The following CACNA2D1 variants were observed in gnomAD, a reference collection of about 807,000 sequenced individuals.
CACNA2D1 encodes the protein calcium voltage-gated channel auxiliary subunit alpha2delta 1.
CACNA2D1 carries 53 observed loss-of-function variants against 171.5 expected under a neutral mutation model. That is an observed-to-expected ratio of 0.31 (90% CI 0.25 to 0.39). The LOEUF is 0.39. Ranked by LOEUF, CACNA2D1 falls within the 10% of genes least tolerant of loss-of-function variation. The pLI, the probability that CACNA2D1 is intolerant of heterozygous loss-of-function variation, is 1.00. For missense variants in CACNA2D1, 903 were observed against 1,299.8 expected, an observed-to-expected ratio of 0.69 and a Z score of 4.69; for synonymous variants, 442 against 443.1, an observed-to-expected ratio of 1.00 and a Z score of 0.03.
At chr7:82,381,582 T>C (rs1383003896) in intron 1 of CACNA2D1, among the ~76,000 whole-genome samples, 1 of 152,144 alleles carries the variant, frequency 6.6e-6, no homozygotes, top group East Asian at 1.9e-4. Context: ...TACCCTTACC[T>C]CTTATGGGAG....
At chr7:82,194,572 A>G (rs1990072) in intron 3 of CACNA2D1, among the ~76,000 whole-genome samples, 1 of 151,698 alleles carries the variant, frequency 6.6e-6, no homozygotes, top group Non-Finnish European at 1.5e-5. Flanking sequence ...AAGCTGAAAC[A>G]TTCTAAGTTT....
chr7:82,135,811 A>C (rs548625057), intron 5 of CACNA2D1, among the ~76,000 whole-genome samples: 1 of 152,294 alleles, frequency 6.6e-6, no homozygotes, highest in African/African-American at 2.4e-5. Flanking sequence ...GACATGTAAT[A>C]CTTTTATTAT....
At chr7:82,151,496 T>G (rs1309009709) in intron 4 of CACNA2D1, among the ~76,000 whole-genome samples, 2 of 152,156 alleles carry the variant, frequency 1.3e-5, no homozygotes, top group Non-Finnish European at 2.9e-5. Context: ...TTTTGGCTTC[T>G]CATTTATCAA....
intron 4 of CACNA2D1, among the ~76,000 whole-genome samples, chr7:82,149,193 A>C (rs1400658093): frequency 2.0e-5 from 3 of 152,146 alleles, no homozygotes; most frequent in Non-Finnish European, 4.4e-5. Context: ...CTTAGATGTC[A>C]TTAACTACTA....
intron 3 of CACNA2D1, among the ~76,000 whole-genome samples, chr7:82,199,994 T>C (rs1034024604): frequency 6.6e-6 from 1 of 152,094 alleles, no homozygotes; most frequent in African/African-American, 2.4e-5. Context: ...TACTGCATGG[T>C]TCCATTTTAT....
intron 15 of CACNA2D1, among the ~76,000 whole-genome samples, chr7:82,008,591 C>CAAA (rs1799389356): frequency 6.6e-6 from 1 of 152,158 alleles, no homozygotes; most frequent in African/African-American, 2.4e-5. Flanking sequence ...GTCAAAACTA[C>CAAA]ATTTAACAAA....
At chr7:82,043,500 G>A (rs1163587633) in intron 10 of CACNA2D1, among the ~76,000 whole-genome samples, 2 of 152,126 alleles carry the variant, frequency 1.3e-5, no homozygotes, top group Non-Finnish European at 2.9e-5. Context: ...CATTAGTTTG[G>A]TGTTTGAAAC....
intron 4 of CACNA2D1, among the ~76,000 whole-genome samples, chr7:82,142,926 A>AC (rs1320109444): frequency 3.3e-5 from 5 of 152,168 alleles, no homozygotes; most frequent in African/African-American, 4.8e-5. Flanking sequence ...TGACTTAGCA[A>AC]CCACTGCTAT....
intron 3 of CACNA2D1, among the ~76,000 whole-genome samples, chr7:82,210,546 G>T (rs185157583): frequency 6.6e-6 from 1 of 152,268 alleles, no homozygotes; most frequent in African/African-American, 2.4e-5. Flanking sequence ...TATTGGATGG[G>T]TGTGTGCAGG....
chr7:82,238,191 C>T (rs1222141562), intron 3 of CACNA2D1, among the ~76,000 whole-genome samples: 1 of 151,924 alleles, frequency 6.6e-6, no homozygotes, highest in Non-Finnish European at 1.5e-5. Context: ...AGTAGTGTCC[C>T]ACCACTACCT....
At chr7:82,074,414 G>A (rs545904578) in intron 7 of CACNA2D1, among the ~76,000 whole-genome samples, 33 of 151,972 alleles carry the variant, frequency 2.2e-4, no homozygotes, top group Non-Finnish European at 3.7e-4. Context: ...TTTTAGTAGA[G>A]ATGAGGTTGC....
chr7:82,390,595 A>G (rs1825003565), intron 1 of CACNA2D1, among the ~76,000 whole-genome samples: 1 of 152,186 alleles, frequency 6.6e-6, no homozygotes, highest in South Asian at 2.1e-4. Context: ...TGCTACTTCT[A>G]GAAAAGTGGT....
chr7:82,140,666 T>C (rs1055791021), intron 4 of CACNA2D1, among the ~76,000 whole-genome samples: 6 of 151,962 alleles, frequency 3.9e-5, no homozygotes, highest in Non-Finnish European at 8.8e-5. Flanking sequence ...TAAAAAAAAA[T>C]TGCAATTGGC....
At chr7:82,374,766 C>T (rs1822816322) in intron 1 of CACNA2D1, among the ~76,000 whole-genome samples, 1 of 144,212 alleles carries the variant, frequency 6.9e-6, no homozygotes, top group Admixed American at 7.2e-5. Context: ...AAAAAGAACA[C>T]ACTAAACAAA....
chr7:82,142,989 A>T (rs1293706085), intron 4 of CACNA2D1, among the ~76,000 whole-genome samples: 1 of 152,152 alleles, frequency 6.6e-6, no homozygotes, highest in African/African-American at 2.4e-5. Flanking sequence ...ACAGCACTGT[A>T]ACACTGTGTG....
intron 3 of CACNA2D1, among the ~76,000 whole-genome samples, chr7:82,237,263 CCT>C (rs3086954): frequency 0.32 from 48,087 of 151,534 alleles, 9,358 homozygotes; most frequent in Non-Finnish European, 0.45. Flanking sequence ...TCATTTTCCC[CCT>C]GACATTTTCA....
intron 3 of CACNA2D1, among the ~76,000 whole-genome samples, chr7:82,218,034 A>C (rs1801352117): frequency 1.3e-5 from 2 of 151,858 alleles, no homozygotes; most frequent in South Asian, 4.2e-4. Flanking sequence ...TCCCGGGTTC[A>C]TGCCATTCTC....
At chr7:82,152,017 A>G (rs1222765095) in intron 4 of CACNA2D1, among the ~76,000 whole-genome samples, 1 of 152,074 alleles carries the variant, frequency 6.6e-6, no homozygotes, top group Non-Finnish European at 1.5e-5. Flanking sequence ...AGATCTAGAA[A>G]CACATAAGAA....
chr7:81,970,607 G>A (rs1222367109), intron 27 of CACNA2D1, 68 bp downstream of exon 27: 9 of 842,544 alleles, frequency 1.1e-5, no homozygotes, highest in Non-Finnish European at 1.9e-5. Context: ...TCCTTAAGCA[G>A]TAATGTACAA....
Sources: allele counts gnomAD v4.1 joint callset (sites outside exome capture counted in the v4.1 genomes callset), GRCh38; gene constraint gnomAD v4.1.1; transcripts MANE v1.5; gene names NCBI Gene and HGNC (gene_info 2026-07-23, HGNC 2026-07-21).